Variants in ZBTB1 observed in about 807,000 individuals in gnomAD.
ZBTB1 encodes the protein zinc finger and BTB domain containing 1.
Under a neutral mutation model 51.6 loss-of-function variants are expected in ZBTB1, and 13 were observed. The ratio of observed to expected loss-of-function variants is 0.25; its 90% CI spans 0.16 to 0.40. The LOEUF is 0.40. Ranked by LOEUF, ZBTB1 falls within the 10% of genes least tolerant of loss-of-function variation. The pLI, the probability that ZBTB1 is intolerant of heterozygous loss-of-function variation, is 1.00. For missense variants in ZBTB1, 567 were observed against 856.5 expected, an observed-to-expected ratio of 0.66 and a Z score of 4.22; for synonymous variants, 240 against 282.2, an observed-to-expected ratio of 0.85 and a Z score of 1.50.
chr14:64,504,490 TGAGAGGGGC>T (rs1222431348), upstream of ZBTB1: 2 of 158,768 alleles, frequency 1.3e-5, no homozygotes, highest in African/African-American at 4.8e-5. Context: ...AGCCTACCCT[TGAGAGGGGC>T]AAGAGGGGTG....
At chr14:64,509,693 G>A (rs1446952830) in intron 1 of ZBTB1, among the ~76,000 whole-genome samples, 1 of 151,834 alleles carries the variant, frequency 6.6e-6, no homozygotes, top group East Asian at 1.9e-4. Flanking sequence ...GATCTGGCCG[G>A]GTGTGTGGTG....
intron 1 of ZBTB1, among the ~76,000 whole-genome samples, chr14:64,509,908 C>T (rs918634916): frequency 1.4e-4 from 21 of 150,370 alleles, no homozygotes; most frequent in Admixed American, 1.0e-3. Flanking sequence ...ACCTGGGAGG[C>T]GGAGCTTGCA....
intron 1 of ZBTB1, among the ~76,000 whole-genome samples, chr14:64,513,361 T>C (rs2079746458): frequency 6.7e-6 from 1 of 149,786 alleles, no homozygotes; most frequent in Admixed American, 6.6e-5. Context: ...GCTATTCATA[T>C]TATTATTGTA....
At chr14:64,525,850 T>A (rs886295560), downstream of ZBTB1, among the ~76,000 whole-genome samples, 8 of 152,102 alleles carry the variant, frequency 5.3e-5, no homozygotes, top group Non-Finnish European at 8.8e-5. Flanking sequence ...TGAGACGGAG[T>A]CTTACTCTTG....
Position 64,523,001 on chromosome 14 carries a change from A to T in ZBTB1, c.1497A>T (p.Glu499Asp). ...DLEENPDEQSEIRDMFVEMLD... is the reference protein window; with the variant it reads ...DLEENPDEQSDIRDMFVEMLD... Reference sequence around the variant, plus strand: ...AAGAGAATCCTGATGAGCAGTCCGAAATAAGAGATATGTTTGTTGAAATGC... The same window carrying T: ...AAGAGAATCCTGATGAGCAGTCCGATATAAGAGATATGTTTGTTGAAATGC... Residue 499 changes from glutamate (E) to aspartate (D), a missense_variant, in exon 2 of 2, where the codon GAA becomes GAT. By Grantham distance (45) the Glu-to-Asp change is conservative. Transcript: ENST00000683701. This position sits in a 1 kb window ranked among gnomAD's most constrained non-coding sequence, Gnocchi z 4.5. The T allele has an allele frequency of 1.2e-6, 2 of 1,614,210 alleles. No homozygotes were observed. Among genetic ancestry groups the T allele is most frequent in the Non-Finnish European group, 1.7e-6 (2 of 1,180,034 alleles).
intron 1 of ZBTB1, among the ~76,000 whole-genome samples, chr14:64,509,845 T>C (rs944622636): frequency 4.0e-5 from 6 of 150,832 alleles, no homozygotes; most frequent in Admixed American, 6.6e-5. Flanking sequence ...GGCGTGGTGG[T>C]GGGCGCCTGT....
upstream of ZBTB1, chr14:64,503,899 G>A (rs573121818): frequency 1.6e-3 from 238 of 152,314 alleles, 1 homozygote; most frequent in South Asian, 6.0e-3. Flanking sequence ...CCTCCCGCCC[G>A]CCCGCCTCAG....
At chr14:64,516,434 G>T (rs2079786743) in intron 1 of ZBTB1, among the ~76,000 whole-genome samples, 1 of 152,338 alleles carries the variant, frequency 6.6e-6, no homozygotes, top group South Asian at 2.1e-4. Context: ...TTCTAGGTCA[G>T]CCTAAAAACT....
intron 1 of ZBTB1, among the ~76,000 whole-genome samples, chr14:64,517,781 A>ATATATTTTTTTTT (rs1160337478): frequency 1.2e-4 from 5 of 41,560 alleles, no homozygotes; most frequent in African/African-American, 1.8e-4. Context: ...ATATATATAT[A>ATATATTTTTTTTT]TTTTTTTTTT....
intron 1 of ZBTB1, among the ~76,000 whole-genome samples, chr14:64,507,154 G>T (rs1021386381): frequency 1.3e-5 from 2 of 152,124 alleles, no homozygotes; most frequent in African/African-American, 4.8e-5. Context: ...AATTTCCATA[G>T]ATTTTTGTTA....
chr14:64,515,766 G>A lies in ZBTB1; in HGVS notation c.-18-5721G>A, dbSNP rs1470100100. Among the ~76,000 whole-genome samples the A allele has an allele frequency of 3.9e-5, 6 of 152,218 alleles. No homozygotes were observed. In the South Asian group the frequency reaches 8.3e-4, roughly 21 times the overall value. On this transcript the variant is annotated intron_variant, in intron 1 of 1. Transcript: ENST00000683701. Reference sequence around the variant, plus strand: ...GATTTCCTGACCTTGTGATCCACCCGCCTCCGCCTCCCAAAGTGCTGGGAT... The same window carrying A: ...GATTTCCTGACCTTGTGATCCACCCACCTCCGCCTCCCAAAGTGCTGGGAT...
At position 64,524,788 on chromosome 14, in the gene ZBTB1, G is replaced by C. The variant is rs2079891438; in HGVS notation, c.*1142G>C. On this transcript the variant is annotated 3_prime_UTR_variant, in exon 2 of 2. Coordinates refer to ENST00000683701, the MANE Select transcript of ZBTB1 (RefSeq NM_001123329.2). Reference sequence around the variant, plus strand: ...TTCTGTAAAAGACTATAAAACTTGAGGATTATAAAATAATCACAGAGTATA... The same window carrying C: ...TTCTGTAAAAGACTATAAAACTTGACGATTATAAAATAATCACAGAGTATA... 1 of 980,630 alleles carries C rather than the reference G, an allele frequency of 1.0e-6. No homozygotes were observed. Among genetic ancestry groups the C allele is most frequent in the Non-Finnish European group, 1.2e-6 (1 of 825,778 alleles). 60.7% of individuals were successfully genotyped at this position (980,630 alleles called of 1,614,324 possible). A position where few individuals can be genotyped will look rare whatever the true frequency, so the allele number is the denominator to read the frequency against.
At chr14:64,507,839 TAGAG>T in intron 1 of ZBTB1, among the ~76,000 whole-genome samples, 1 of 152,192 alleles carries the variant, frequency 6.6e-6, no homozygotes, top group East Asian at 1.9e-4. Flanking sequence ...CTCACCTTTA[TAGAG>T]AGTTTCATAA....
rs1429013159 is a variant in ZBTB1 at position 64,521,468 on chromosome 14, A to G, written c.-18-19A>G. On this transcript the variant is annotated intron_variant, in intron 1 of 1. Transcript: ENST00000683701. ...CTTTTCTATATCTTGTTTGACTTTA[A>G]TATTTTTGTTTTACATAGGTCTCTA... The G allele has an allele frequency of 6.6e-7, 1 of 1,525,626 alleles. No individual in the cohort carries two copies. The highest frequency in any genetic ancestry group is 8.8e-7 in the Non-Finnish European group (1 of 1,137,928). 94.5% of individuals were successfully genotyped at this position (1,525,626 alleles called of 1,614,324 possible). A position where few individuals can be genotyped will look rare whatever the true frequency, so the allele number is the denominator to read the frequency against.
chr14:64,528,975 A>G (rs1344949851), downstream of ZBTB1, among the ~76,000 whole-genome samples: 1 of 152,200 alleles, frequency 6.6e-6, no homozygotes, highest in Non-Finnish European at 1.5e-5. Context: ...CATGTGATAA[A>G]GCTCCTATGA....
chr14:64,511,191 C>G (rs2079720996), intron 1 of ZBTB1: 1 of 152,168 alleles, frequency 6.6e-6, no homozygotes, highest in African/African-American at 2.4e-5. Flanking sequence ...ATGCCATGTG[C>G]AATAAGGGAT....
At chr14:64,519,499 C>A (rs1467655536) in intron 1 of ZBTB1, among the ~76,000 whole-genome samples, 4 of 150,306 alleles carry the variant, frequency 2.7e-5, no homozygotes, top group Non-Finnish European at 5.9e-5. Context: ...TGCAGTGGCT[C>A]ACACCCACAA....
intron 2 of ZBTB1, among the ~76,000 whole-genome samples, chr14:64,530,122 G>T (rs544327224): frequency 6.6e-6 from 1 of 152,040 alleles, no homozygotes; most frequent in African/African-American, 2.4e-5. Flanking sequence ...AACTTTATGC[G>T]TCTATTACCT....
At chr14:64,531,956 G>A (rs1365286049) in exon 3 of ZBTB1, 2 of 1,593,354 alleles carry the variant, frequency 1.3e-6, no homozygotes, top group Non-Finnish European at 1.7e-6. Flanking sequence ...TAATCTTTAA[G>A]TACAGACCCA....
Sources: allele counts gnomAD v4.1 joint callset (sites outside exome capture counted in the v4.1 genomes callset), GRCh38; gene constraint gnomAD v4.1.1; non-coding constraint Gnocchi (gnomAD v3.1); transcripts MANE v1.5; gene names NCBI Gene and HGNC (gene_info 2026-07-23, HGNC 2026-07-21).